The following TUSC3 variants were observed in gnomAD, a reference collection of about 807,000 sequenced individuals.
TUSC3 encodes the protein tumor suppressor candidate 3, also known as dolichyl-diphosphooligosaccharide--protein glycosyltransferase subunit TUSC3.
A neutral mutation model predicts 44.8 loss-of-function variants in TUSC3; 45 were observed. The ratio of observed to expected loss-of-function variants is 1.00; its 90% CI spans 0.79 to 1.29. The LOEUF is 1.29. TUSC3 is among the 50% of genes most tolerant of loss of function. The pLI is 0.00. For synonymous variants in TUSC3, 212 were observed against 152.9 expected (o/e 1.39, Z -2.85); for missense variants, 519 against 437.9 (o/e 1.19, Z -1.65).
At chr8:15,808,023 T>C in the TUSC3 span, among the ~76,000 whole-genome samples, 7 of 152,270 alleles carry the variant, frequency 4.6e-5, no homozygotes, top group East Asian at 1.2e-3. Flanking sequence ...AAAATGAAAG[T>C]TGAAATTATT....
Position 15,497,401 on chromosome 8 carries a change from G to T in TUSC3, n.189+13918G>T, listed in dbSNP as rs112931691. ...AGCCTGCCTCGCTCTTGCCCTGAAG[G>T]AGACACTATCCAAGGATGTTTGCTA... is the stretch of plus-strand genomic sequence containing the variant. On this transcript the variant is annotated intron_variant and non_coding_transcript_variant, in intron 2 of 5. Coordinates refer to the TUSC3 transcript ENST00000503191. Among the ~76,000 whole-genome samples, 62 of 152,308 alleles carry T rather than the reference G, an allele frequency of 4.1e-4. 1 individual carries two copies. The highest frequency in any genetic ancestry group is 7.2e-4 in the Non-Finnish European group (49 of 68,028).
At chr8:15,719,863 A>G (rs1268167215) in intron 6 of TUSC3, among the ~76,000 whole-genome samples, 3 of 152,104 alleles carry the variant, frequency 2.0e-5, no homozygotes, top group African/African-American at 7.2e-5. Flanking sequence ...CAGAGATCCA[A>G]ATCATTTGTG....
chr8:15,513,888 G>T (rs936594762), intron 2 of TUSC3, among the ~76,000 whole-genome samples: 2 of 152,166 alleles, frequency 1.3e-5, no homozygotes, highest in African/African-American at 2.4e-5. Flanking sequence ...TCCACCTTTA[G>T]TCTGTCCTCC....
Position 15,483,649 on chromosome 8 carries a change from A to ATTTTTTTTTTTTTTTT in TUSC3, n.189+175_189+190dup, listed in dbSNP as rs60092911. ...CCGTCGTGCCCAGCCTAGCACTGTG[A>ATTTTTTTTTTTTTTTT]TTTTTTTTTTTTTTTTTTTTTTTTG... On this transcript the variant is annotated intron_variant and non_coding_transcript_variant, in intron 2 of 5. Coordinates refer to the TUSC3 transcript ENST00000503191. Among the ~76,000 whole-genome samples, 562 of 66,126 alleles carry ATTTTTTTTTTTTTTTT rather than the reference A, an allele frequency of 8.5e-3. 71 individuals carry two copies. Among genetic ancestry groups the ATTTTTTTTTTTTTTTT allele is most frequent in the Non-Finnish European group, 9.2e-3 (334 of 36,282 alleles). 43.4% of individuals were successfully genotyped at this position (66,126 alleles called of 152,430 possible). A position where few individuals can be genotyped will look rare whatever the true frequency, so the allele number is the denominator to read the frequency against.
intron 9 of TUSC3, among the ~76,000 whole-genome samples, chr8:15,754,856 C>T (rs1239395133): frequency 6.6e-6 from 1 of 152,006 alleles, no homozygotes; most frequent in Non-Finnish European, 1.5e-5. Context: ...TTAAGTTCTT[C>T]TATCTGAAGT....
At chr8:15,445,397 G>T (rs1270914682) in intron 1 of TUSC3, among the ~76,000 whole-genome samples, 1 of 152,068 alleles carries the variant, frequency 6.6e-6, no homozygotes, top group African/African-American at 2.4e-5. Context: ...GGACAATAGT[G>T]GTGGGAAGGT....
chr8:15,427,240 T>TG (rs1296599719), intron 1 of TUSC3, among the ~76,000 whole-genome samples: 18 of 151,434 alleles, frequency 1.2e-4, no homozygotes, highest in Middle Eastern at 3.4e-3. Flanking sequence ...TTTTTTTTTT[T>TG]TTTAGTTTAG....
chr8:15,548,814 A>G (rs1479341352), intron 1 of TUSC3, among the ~76,000 whole-genome samples: 1 of 151,884 alleles, frequency 6.6e-6, no homozygotes, highest in Admixed American at 6.6e-5. Context: ...TTTAATAACT[A>G]GCTATACAAC....
chr8:15,811,756 T>G, the TUSC3 span, among the ~76,000 whole-genome samples: 1 of 152,180 alleles, frequency 6.6e-6, no homozygotes, highest in East Asian at 1.9e-4. Flanking sequence ...TTATAGTGCT[T>G]TGATAATATA....
chr8:15,758,337 T>C, intron 10 of TUSC3: 6 of 700,186 alleles, frequency 8.6e-6, no homozygotes, highest in Non-Finnish European at 1.1e-5. Context: ...AAACAGATAG[T>C]AGGTACTTTA....
intron 1 of TUSC3, among the ~76,000 whole-genome samples, chr8:15,472,737 G>A (rs1265634045): frequency 3.9e-5 from 6 of 152,114 alleles, no homozygotes; most frequent in Non-Finnish European, 8.8e-5. Flanking sequence ...ATTTCATATG[G>A]TGCCGATAAT....
chr8:15,563,948 A>G (rs190266700), intron 1 of TUSC3, among the ~76,000 whole-genome samples: 2 of 152,106 alleles, frequency 1.3e-5, no homozygotes, highest in Non-Finnish European at 2.9e-5. Flanking sequence ...TTAAAATTCA[A>G]AGTTAAATTT....
chr8:15,733,478 G>A (rs1810806470), intron 7 of TUSC3: 3 of 334,248 alleles, frequency 9.0e-6, no homozygotes, highest in South Asian at 2.3e-5. Flanking sequence ...AAGCTGTGTT[G>A]AGATCATCCT....
At chr8:15,536,562 C>T (rs1002138383), upstream of TUSC3, among the ~76,000 whole-genome samples, 2 of 150,966 alleles carry the variant, frequency 1.3e-5, no homozygotes, top group African/African-American at 4.9e-5. Flanking sequence ...GGTGCCTATA[C>T]TCCCAGCTAC....
At chr8:15,536,484 C>G (rs1047248141), upstream of TUSC3, among the ~76,000 whole-genome samples, 1 of 151,720 alleles carries the variant, frequency 6.6e-6, no homozygotes, top group East Asian at 1.9e-4. Flanking sequence ...TAGTACGAGA[C>G]CAGCCTGGAC....
chr8:15,593,023 G>C (rs1431406038), intron 1 of TUSC3, among the ~76,000 whole-genome samples: 2 of 151,984 alleles, frequency 1.3e-5, no homozygotes, highest in Non-Finnish European at 2.9e-5. Flanking sequence ...GAACATTTTT[G>C]GATTCATTAG....
At chr8:15,444,080 T>G (rs1310725961) in intron 1 of TUSC3, among the ~76,000 whole-genome samples, 1 of 152,214 alleles carries the variant, frequency 6.6e-6, no homozygotes, top group Non-Finnish European at 1.5e-5. Flanking sequence ...TTACTCCTTC[T>G]CTATTGCGAT....
At chr8:15,549,426 C>T (rs143690327) in intron 1 of TUSC3, among the ~76,000 whole-genome samples, 37 of 151,806 alleles carry the variant, frequency 2.4e-4, no homozygotes, top group African/African-American at 8.7e-4. Flanking sequence ...CCCGCCTCGG[C>T]CTCCCAAAGT....
chr8:15,517,639 A>G (rs2129128957), intron 2 of TUSC3, among the ~76,000 whole-genome samples: 1 of 151,156 alleles, frequency 6.6e-6, no homozygotes, highest in East Asian at 2.0e-4. Context: ...ACGAATGTAT[A>G]CCTCAAAAGG....
Sources: allele counts gnomAD v4.1 joint callset (sites outside exome capture counted in the v4.1 genomes callset), GRCh38; gene constraint gnomAD v4.1.1; transcripts MANE v1.5; gene names NCBI Gene and HGNC (gene_info 2026-07-23, HGNC 2026-07-21).